SCYGR2: variants seen among roughly 807,000 people sequenced by gnomAD.
The protein encoded by SCYGR2 is small cysteine and glycine repeat containing 2.
exon 1 of SCYGR2, chr2:227,599,054 C>G (rs2106269863): frequency 2.4e-6 from 1 of 408,182 alleles, no homozygotes; most frequent in Non-Finnish European, 4.3e-6. Context: ...GTGGTGGTAG[C>G]TGTGGCAGCT....
exon 1 of SCYGR2, chr2:227,598,970 CTGT>C (rs536525558): frequency 0.079 from 23,368 of 294,882 alleles, 981 homozygotes; most frequent in Admixed American, 0.12. Context: ...GTGGTGGTGG[CTGT>C]GGTGGTGGCT....
chr2:227,599,160 T>C (rs1270452781), exon 1 of SCYGR2: 1 of 399,596 alleles, frequency 2.5e-6, no homozygotes, highest in Non-Finnish European at 4.4e-6. Context: ...TCCCGTGATC[T>C]GTTGCTGCCG....
Position 227,599,084 on chromosome 2 carries a change from C to G in SCYGR2, c.192C>G (p.Tyr64Ter). 2.5e-6 allele frequency: 1 copy of G among 404,438 alleles called. No individual in the cohort carries two copies. The highest frequency in any genetic ancestry group is 4.4e-6 in the Non-Finnish European group (1 of 229,628). 25.1% of individuals were successfully genotyped at this position (404,438 alleles called of 1,614,324 possible). A position where few individuals can be genotyped will look rare whatever the true frequency, so the allele number is the denominator to read the frequency against. ...GCAGCTGCACCACCTGCAGGTGCTA[C>G]CGGGTGGGCTGCTGCTCCAGCTGCT... The change falls in exon 1 of 1, where the codon TAC (tyrosine) becomes TAG (stop). Residue 64 changes from tyrosine (Y) to a stop codon, truncating the protein, a stop_gained. Transcript: ENST00000641394. LOFTEE classifies it high-confidence loss of function.
exon 1 of SCYGR2, chr2:227,598,985 C>CGGTGGTGGCTGCGGTGGTGGCTGT (rs1693637331): frequency 5.5e-6 from 2 of 363,874 alleles, no homozygotes; most frequent in Admixed American, 5.5e-5. Flanking sequence ...GTGGTGGCTG[C>CGGTGGTGGCTGCGGTGGTGGCTGT]GGTGGTGGCT....
At chr2:227,598,973 T>TGGTGGTGGCTGC (rs1559217416) in exon 1 of SCYGR2, 35 of 148,428 alleles carry the variant, frequency 2.4e-4, no homozygotes, top group African/African-American at 5.0e-4. Flanking sequence ...GTGGTGGCTG[T>TGGTGGTGGCTGC]GGTGGTGGCT....
exon 1 of SCYGR2, chr2:227,599,085 C>T (rs747052520): frequency 1.5e-4 from 61 of 403,380 alleles, no homozygotes; most frequent in Non-Finnish European, 2.3e-4. Flanking sequence ...CAGGTGCTAC[C>T]GGGTGGGCTG....
At chr2:227,598,992 G>A (rs1295537876) in exon 1 of SCYGR2, 1 of 395,164 alleles carries the variant, frequency 2.5e-6, no homozygotes, top group Non-Finnish European at 4.5e-6. Flanking sequence ...CTGCGGTGGT[G>A]GCTGTGGTGG....
exon 1 of SCYGR2, chr2:227,599,038 G>A: frequency 2.7e-6 from 1 of 367,958 alleles, no homozygotes; most frequent in Non-Finnish European, 4.8e-6. Context: ...GGCTGCGGTG[G>A]TGGCTGTGGT....
At chr2:227,599,044 G>C in exon 1 of SCYGR2, 1 of 366,924 alleles carries the variant, frequency 2.7e-6, no homozygotes. Context: ...GGTGGTGGCT[G>C]TGGTGGTAGC....
chr2:227,598,973 T>TTGTGGTGGCTGC, exon 1 of SCYGR2: 1 of 145,978 alleles, frequency 6.9e-6, no homozygotes, highest in Non-Finnish European at 1.2e-5. Context: ...GTGGTGGCTG[T>TTGTGGTGGCTGC]GGTGGTGGCT....
exon 1 of SCYGR2, chr2:227,598,928 C>CGGTGGCCGCTGT (rs146731143): frequency 2.4e-6 from 1 of 414,164 alleles, no homozygotes; most frequent in Non-Finnish European, 4.2e-6. Flanking sequence ...GTGGTGGCTG[C>CGGTGGCCGCTGT]GGTGGCCGCT....
At chr2:227,599,135 A>G (rs1014414185) in exon 1 of SCYGR2, 36 of 401,106 alleles carry the variant, frequency 9.0e-5, no homozygotes, top group Admixed American at 1.3e-4. Context: ...GCTGCTGTGG[A>G]GGCTGCTGCA....
At chr2:227,599,065 G>C (rs930018336) in exon 1 of SCYGR2, 1 of 407,766 alleles carries the variant, frequency 2.5e-6, no homozygotes, top group African/African-American at 2.1e-5. Flanking sequence ...TGTGGCAGCT[G>C]CACCACCTGC....
At chr2:227,599,113 C>T (rs1290531685) in exon 1 of SCYGR2, 1 of 402,222 alleles carries the variant, frequency 2.5e-6, no homozygotes, top group Non-Finnish European at 4.4e-6. Context: ...AGCTGCTGCC[C>T]CTGCTGCCGT....
At chr2:227,599,122 G>A (rs912622539) in exon 1 of SCYGR2, 4 of 402,140 alleles carry the variant, frequency 9.9e-6, no homozygotes, top group African/African-American at 6.2e-5. Context: ...CCCTGCTGCC[G>A]TGGCTGCTGT....
exon 1 of SCYGR2, chr2:227,599,092 GCTGCTGCTCCAGCTGCTGCCC>G: frequency 2.5e-6 from 1 of 403,750 alleles, no homozygotes; most frequent in Non-Finnish European, 4.4e-6. Context: ...TACCGGGTGG[GCTGCTGCTCCAGCTGCTGCCC>G]CTGCTGCCGT....
chr2:227,598,940 TGGTGGCTGC>T, exon 1 of SCYGR2: 2 of 261,714 alleles, frequency 7.6e-6, no homozygotes, highest in Non-Finnish European at 1.3e-5. Context: ...GTGGCCGCTG[TGGTGGCTGC>T]GGTGGTGGCT....
exon 1 of SCYGR2, chr2:227,599,143 G>A: frequency 2.5e-6 from 1 of 401,338 alleles, no homozygotes; most frequent in African/African-American, 2.1e-5. Flanking sequence ...GGAGGCTGCT[G>A]CAGCACTCCC....
chr2:227,599,034 G>A (rs965890565), exon 1 of SCYGR2: 15 of 348,472 alleles, frequency 4.3e-5, no homozygotes, highest in East Asian at 1.6e-4. Context: ...TGGTGGCTGC[G>A]GTGGTGGCTG....
Sources: allele counts gnomAD v4.1 joint callset, GRCh38; gene constraint gnomAD v4.1.1; transcripts MANE v1.5; gene names NCBI Gene and HGNC (gene_info 2026-07-23, HGNC 2026-07-21).